The following NAV3 variants were observed in gnomAD, a reference collection of about 807,000 sequenced individuals.
NAV3 encodes the protein neuron navigator 3, also known as pore membrane and/or filament interacting like protein 1.
NAV3 carries 87 observed loss-of-function variants against 244.7 expected under a neutral mutation model. The ratio of observed to expected loss-of-function variants is 0.36; its 90% CI spans 0.30 to 0.42. The LOEUF is 0.42. Among genes scored for constraint, NAV3 ranks in the 20% least tolerant of loss-of-function variants. NAV3 has a pLI of 1.00. For missense variants in NAV3, 2,663 were observed against 2,893.3 expected (o/e 0.92, Z 1.83); for synonymous variants, 1,126 against 1,042.2 (o/e 1.08, Z -1.55).
At position 78,079,155 on chromosome 12, in the gene NAV3, C is replaced by T. The variant is rs112969846; in HGVS notation, c.2636+20040C>T. Among the ~76,000 whole-genome samples, 279 of 152,306 alleles carry T rather than the reference C, an allele frequency of 1.8e-3. 1 individual carries two copies. The highest frequency in any genetic ancestry group is 6.3e-3 in the African/African-American group (260 of 41,562). ...CCTTTTGTAGCTAGAACTGTCACAG[C>T]ATGAAGAACTGATGTGCCATTGAGT... On this transcript the variant is annotated intron_variant, in intron 12 of 39. Coordinates refer to ENST00000397909, the MANE Select transcript of NAV3 (RefSeq NM_001024383.2).
chr12:78,136,801 G>A (rs1474866902), intron 18 of NAV3, among the ~76,000 whole-genome samples: 4 of 151,990 alleles, frequency 2.6e-5, no homozygotes, highest in African/African-American at 4.8e-5. Flanking sequence ...TTTTGATTTT[G>A]CTTTTTCCAT....
intron 2 of NAV3, among the ~76,000 whole-genome samples, chr12:77,667,132 G>A (rs11106191): frequency 0.028 from 4,290 of 152,276 alleles, 88 homozygotes; most frequent in Admixed American, 0.061. Flanking sequence ...GATTAAGATG[G>A]CGAGTAGGAG....
chr12:77,721,414 C>T (rs538852887), intron 2 of NAV3, among the ~76,000 whole-genome samples: 1 of 151,944 alleles, frequency 6.6e-6, no homozygotes, highest in Admixed American at 6.6e-5. Flanking sequence ...GGTAATTAAC[C>T]TTTTTGTTTT....
At chr12:77,596,157 CT>C (rs1870159498) in intron 2 of NAV3, among the ~76,000 whole-genome samples, 1 of 152,142 alleles carries the variant, frequency 6.6e-6, no homozygotes, top group Non-Finnish European at 1.5e-5. Context: ...ACTTTCCTCG[CT>C]GTTTGACCTT....
intron 31 of NAV3, among the ~76,000 whole-genome samples, chr12:78,186,216 A>G (rs999283449): frequency 1.3e-5 from 2 of 151,842 alleles, no homozygotes; most frequent in East Asian, 3.9e-4. Flanking sequence ...TTTTTTTGCA[A>G]TGAAATATTG....
chr12:78,163,139 A>C (rs1957636336), intron 23 of NAV3, among the ~76,000 whole-genome samples: 2 of 151,690 alleles, frequency 1.3e-5, no homozygotes, highest in East Asian at 3.9e-4. Context: ...AACTAAATTA[A>C]GACTCAGATT....
intron 12 of NAV3, 72 bp from the exon 13 acceptor site, chr12:78,116,700 G>C (rs1157717563): frequency 2.0e-5 from 27 of 1,359,974 alleles, no homozygotes; most frequent in Non-Finnish European, 2.5e-5. Context: ...TGTGAATGTT[G>C]CATGGAAATG....
At chr12:78,072,167 G>T (rs1343362628) in intron 12 of NAV3, among the ~76,000 whole-genome samples, 1 of 148,732 alleles carries the variant, frequency 6.7e-6, no homozygotes, top group Non-Finnish European at 1.5e-5. Flanking sequence ...CTAGCAGAAG[G>T]CAAGAAATAA....
At chr12:77,784,595 A>T (rs1296923262) in intron 2 of NAV3, among the ~76,000 whole-genome samples, 1 of 152,158 alleles carries the variant, frequency 6.6e-6, no homozygotes, top group Non-Finnish European at 1.5e-5. Context: ...GAAGAAGGAT[A>T]GTTCTTCACC....
intron 5 of NAV3, among the ~76,000 whole-genome samples, chr12:77,980,443 T>G (rs1361098600): frequency 6.6e-6 from 1 of 152,214 alleles, no homozygotes; most frequent in Non-Finnish European, 1.5e-5. Context: ...GTTATTTTCC[T>G]GAATATATGT....
chr12:77,665,288 T>C (rs1873666392), intron 2 of NAV3, among the ~76,000 whole-genome samples: 1 of 152,192 alleles, frequency 6.6e-6, no homozygotes, highest in Non-Finnish European at 1.5e-5. Context: ...CTCACTTCTT[T>C]AGGAAACCCA....
chr12:78,194,106 T>G (rs1959098713), intron 34 of NAV3, among the ~76,000 whole-genome samples: 1 of 152,158 alleles, frequency 6.6e-6, no homozygotes, highest in Non-Finnish European at 1.5e-5. Flanking sequence ...GCTTGACTTG[T>G]GTGGTTGACT....
intron 8 of NAV3, among the ~76,000 whole-genome samples, chr12:78,018,106 G>A (rs113484090): frequency 0.024 from 3,589 of 152,152 alleles, 60 homozygotes; most frequent in Middle Eastern, 0.041. Flanking sequence ...CCTTATTAAT[G>A]CTAAGTTAGA....
chr12:77,706,833 T>C (rs1229383217), intron 2 of NAV3, among the ~76,000 whole-genome samples: 1 of 119,962 alleles, frequency 8.3e-6, no homozygotes, highest in Non-Finnish European at 1.6e-5. Flanking sequence ...ATAGTGCCAC[T>C]GCACTCCAGC....
At chr12:77,601,181 T>A (rs1870412542) in intron 2 of NAV3, among the ~76,000 whole-genome samples, 1 of 152,014 alleles carries the variant, frequency 6.6e-6, no homozygotes, top group Non-Finnish European at 1.5e-5. Context: ...GGATAATTAT[T>A]ATCTGCATTT....
At chr12:78,145,893 T>C (rs1311091011) in intron 20 of NAV3, among the ~76,000 whole-genome samples, 1 of 152,146 alleles carries the variant, frequency 6.6e-6, no homozygotes, top group Non-Finnish European at 1.5e-5. Flanking sequence ...CAGCTTTATT[T>C]GACATTGTTT....
At chr12:78,121,852 A>G in intron 15 of NAV3, 88 bp from the exon 16 acceptor site, 2 of 1,516,740 alleles carry the variant, frequency 1.3e-6, no homozygotes, top group South Asian at 2.5e-5. Context: ...ATCAAAGCAC[A>G]CTTGGCTCTG....
At chr12:77,970,510 T>C (rs1052797491) in intron 5 of NAV3, among the ~76,000 whole-genome samples, 2 of 152,130 alleles carry the variant, frequency 1.3e-5, no homozygotes, top group Non-Finnish European at 2.9e-5. Flanking sequence ...CACTCATCAG[T>C]GAATTTTTAA....
intron 3 of NAV3, 72 bp downstream of exon 3, chr12:77,941,205 A>G: frequency 2.0e-6 from 2 of 977,408 alleles, no homozygotes; most frequent in Non-Finnish European, 1.6e-6. Context: ...TTGTAAATGG[A>G]TATTATTTTT....
Sources: gnomAD v4.1 joint callset for allele counts (sites outside exome capture counted in the v4.1 genomes callset) on GRCh38, gnomAD v4.1.1 for gene constraint, MANE v1.5 for transcripts, NCBI Gene and HGNC (gene_info 2026-07-23, HGNC 2026-07-21) for gene names.